The following NRXN1 variants were observed in gnomAD, a reference collection of about 807,000 sequenced individuals.
NRXN1 encodes neurexin 1, also known as neurexin-1.
NRXN1 carries 39 observed loss-of-function variants against 150.9 expected under a neutral mutation model. The ratio of observed to expected loss-of-function variants is 0.26; its 90% CI spans 0.20 to 0.34. The LOEUF is 0.34. Among genes scored for constraint, NRXN1 ranks in the 10% least tolerant of loss-of-function variants. The pLI is 1.00. For missense variants in NRXN1, 1,815 were observed against 1,949.9 expected (o/e 0.93, Z 1.30); for synonymous variants, 924 against 757.0 (o/e 1.22, Z -3.62).
chr2:50,837,583 CT>C (rs1281031182), intron 5 of NRXN1, among the ~76,000 whole-genome samples: 11 of 152,098 alleles, frequency 7.2e-5, no homozygotes, highest in African/African-American at 2.7e-4. Context: ...CCTGAGAGGA[CT>C]CCTAGCCCTA....
At chr2:50,100,984 G>T (rs1700904226) in intron 18 of NRXN1, among the ~76,000 whole-genome samples, 1 of 151,988 alleles carries the variant, frequency 6.6e-6, no homozygotes, top group Non-Finnish European at 1.5e-5. Context: ...TAGTGGTCTG[G>T]CATCATAACA....
intron 21 of NRXN1, among the ~76,000 whole-genome samples, chr2:49,977,190 A>T (rs1417756546): frequency 6.6e-6 from 1 of 152,218 alleles, no homozygotes; most frequent in Admixed American, 6.5e-5. Context: ...AATTAAGTCA[A>T]AGATTACAAT....
intron 2 of NRXN1, among the ~76,000 whole-genome samples, chr2:51,007,383 C>T (rs1378199395): frequency 6.6e-6 from 1 of 151,818 alleles, no homozygotes; most frequent in Admixed American, 6.6e-5. Context: ...GAATTATTTA[C>T]AAAATTTTGG....
chr2:50,234,594 G>A (rs764751145), intron 18 of NRXN1, among the ~76,000 whole-genome samples: 1 of 152,070 alleles, frequency 6.6e-6, no homozygotes, highest in Non-Finnish European at 1.5e-5. Context: ...CTAGGCAATG[G>A]GAGAAAGAAA....
intron 17 of NRXN1, among the ~76,000 whole-genome samples, chr2:50,317,005 C>T (rs2075662244): frequency 6.6e-6 from 1 of 151,840 alleles, no homozygotes; most frequent in South Asian, 2.1e-4. Flanking sequence ...TTTTGGGATC[C>T]ACGAGGACAT....
intron 2 of NRXN1, among the ~76,000 whole-genome samples, chr2:50,991,808 C>T (rs551797732): frequency 2.0e-5 from 3 of 152,084 alleles, no homozygotes; most frequent in East Asian, 1.9e-4. Flanking sequence ...TAAAAGGCAA[C>T]GATGCAATAC....
chr2:50,495,797 TG>T, intron 15 of NRXN1, 107 bp downstream of exon 15: 1 of 829,396 alleles, frequency 1.2e-6, no homozygotes, highest in Non-Finnish European at 1.8e-6. Context: ...AATGAAATTC[TG>T]GTCAGTCTTT....
At chr2:50,691,103 G>T (rs1225009222) in intron 5 of NRXN1, among the ~76,000 whole-genome samples, 1 of 152,162 alleles carries the variant, frequency 6.6e-6, no homozygotes, top group East Asian at 1.9e-4. Context: ...AATCTCAAAT[G>T]ACCATAATTT....
chr2:50,126,358 T>C (rs1238537745), intron 18 of NRXN1, among the ~76,000 whole-genome samples: 2 of 152,074 alleles, frequency 1.3e-5, no homozygotes, highest in Admixed American at 1.3e-4. Context: ...TCTGTTTAAG[T>C]CGTGGGTACA....
chr2:50,532,321 T>G (rs1166123358), intron 10 of NRXN1, among the ~76,000 whole-genome samples: 2 of 149,186 alleles, frequency 1.3e-5, no homozygotes, highest in African/African-American at 5.0e-5. Flanking sequence ...CATTTTTTTT[T>G]CATAATCTCT....
intron 5 of NRXN1, among the ~76,000 whole-genome samples, chr2:50,722,713 G>A (rs920626849): frequency 2.6e-5 from 4 of 152,132 alleles, no homozygotes; most frequent in Admixed American, 2.6e-4. Flanking sequence ...ATTCAATACA[G>A]TTTAAAACTC....
chr2:50,477,568 C>T (rs534994561), intron 15 of NRXN1, among the ~76,000 whole-genome samples: 1 of 152,324 alleles, frequency 6.6e-6, no homozygotes, highest in South Asian at 2.1e-4. Context: ...CTCTGCCTTA[C>T]AGTAGCAGAA....
chr2:50,391,443 T>C (rs1354606656), intron 17 of NRXN1, among the ~76,000 whole-genome samples: 1 of 152,120 alleles, frequency 6.6e-6, no homozygotes, highest in African/African-American at 2.4e-5. Context: ...AATAATCTTC[T>C]TGGGAAGAGA....
intron 16 of NRXN1, among the ~76,000 whole-genome samples, chr2:50,468,565 T>C (rs1192369659): frequency 7.8e-6 from 1 of 128,896 alleles, no homozygotes; most frequent in Non-Finnish European, 1.9e-5. Context: ...ACAAGGACAT[T>C]TGTATTAAGT....
chr2:50,274,684 T>C (rs1176186783), intron 17 of NRXN1, among the ~76,000 whole-genome samples: 1 of 152,166 alleles, frequency 6.6e-6, no homozygotes, highest in African/African-American at 2.4e-5. Context: ...CTGAAGATAT[T>C]GCCTCCATTT....
chr2:50,894,977 C>T (rs537562878), intron 5 of NRXN1, among the ~76,000 whole-genome samples: 1 of 152,224 alleles, frequency 6.6e-6, no homozygotes, highest in South Asian at 2.1e-4. Flanking sequence ...TTCCATATCT[C>T]ATGCTTACAT....
chr2:50,732,937 C>A (rs1193964028), intron 5 of NRXN1, among the ~76,000 whole-genome samples: 3 of 152,038 alleles, frequency 2.0e-5, no homozygotes, highest in South Asian at 4.1e-4. Flanking sequence ...TGATTCACAC[C>A]CAATGATTTG....
At chr2:50,725,881 T>G (rs1697300475) in intron 5 of NRXN1, among the ~76,000 whole-genome samples, 1 of 152,152 alleles carries the variant, frequency 6.6e-6, no homozygotes, top group South Asian at 2.1e-4. Context: ...AAATAAACTT[T>G]GAATTAATCA....
intron 16 of NRXN1, among the ~76,000 whole-genome samples, chr2:50,469,367 T>C (rs2089239161): frequency 6.6e-6 from 1 of 151,662 alleles, no homozygotes; most frequent in Admixed American, 6.6e-5. Flanking sequence ...AGTGATTATT[T>C]AGGAAAGATC....
Sources: allele counts gnomAD v4.1 joint callset (sites outside exome capture counted in the v4.1 genomes callset), GRCh38; gene constraint gnomAD v4.1.1; transcripts MANE v1.5; gene names NCBI Gene and HGNC (gene_info 2026-07-23, HGNC 2026-07-21).